The following DOK6 variants were observed in gnomAD, a reference collection of about 807,000 sequenced individuals.
DOK6 encodes the protein downstream of tyrosine kinase 6.
DOK6 carries 22 observed loss-of-function variants against 44.0 expected under a neutral mutation model. The ratio of observed to expected loss-of-function variants is 0.50; its 90% CI spans 0.36 to 0.71. DOK6 has a LOEUF of 0.71. DOK6 is among the 30% of genes least tolerant of loss of function. The pLI is 0.00. For synonymous variants in DOK6, 166 were observed against 145.5 expected, an observed-to-expected ratio of 1.14 and a Z score of -1.01; for missense variants, 340 against 416.4, an observed-to-expected ratio of 0.82 and a Z score of 1.60.
intron 2 of DOK6, among the ~76,000 whole-genome samples, chr18:69,594,758 G>T (rs1423561029): frequency 2.4e-4 from 36 of 151,962 alleles, no homozygotes; most frequent in African/African-American, 2.4e-5. Context: ...GGAGGTGGAG[G>T]CAGGAGGATC....
intron 7 of DOK6, among the ~76,000 whole-genome samples, chr18:69,804,986 T>C (rs1248324802): frequency 6.6e-6 from 1 of 152,198 alleles, no homozygotes; most frequent in East Asian, 1.9e-4. Flanking sequence ...AATACATTTC[T>C]GCTCAGAGAG....
At chr18:69,426,624 A>C (rs371724089) in intron 1 of DOK6, among the ~76,000 whole-genome samples, 1 of 152,224 alleles carries the variant, frequency 6.6e-6, no homozygotes, top group East Asian at 1.9e-4. Context: ...AAGAAAATCT[A>C]CAAAGTTAGA....
At chr18:69,516,957 C>G (rs4611561) in intron 1 of DOK6, among the ~76,000 whole-genome samples, 30,013 of 151,806 alleles carry the variant, frequency 0.2, 3,206 homozygotes, top group African/African-American at 0.24. Flanking sequence ...GCTGGGATTA[C>G]AGGCCTGAAC....
At chr18:69,782,270 G>A (rs1227789632) in intron 7 of DOK6, among the ~76,000 whole-genome samples, 5 of 149,742 alleles carry the variant, frequency 3.3e-5, no homozygotes, top group Non-Finnish European at 5.9e-5. Flanking sequence ...GGAGTGCAGC[G>A]GCGAGATCTC....
At chr18:69,592,574 A>C (rs1983646777) in intron 2 of DOK6, among the ~76,000 whole-genome samples, 1 of 152,096 alleles carries the variant, frequency 6.6e-6, no homozygotes, top group African/African-American at 2.4e-5. Context: ...CATTTATCAG[A>C]CCTTAATATT....
At chr18:69,516,679 A>G (rs1173290196) in intron 1 of DOK6, among the ~76,000 whole-genome samples, 2 of 135,486 alleles carry the variant, frequency 1.5e-5, no homozygotes, top group African/African-American at 2.5e-5. Flanking sequence ...TAAAAGTACT[A>G]TACTTTTTTT....
Position 69,847,829 on chromosome 18 carries a change from G to A in DOK6, c.*6446G>A, listed in dbSNP as rs192944156. 241 of 151,836 alleles carry A rather than the reference G, an allele frequency of 1.6e-3. 1 individual carries two copies. Among genetic ancestry groups the A allele is most frequent in the African/African-American group, 5.5e-3 (227 of 41,374 alleles). 9.4% of individuals were successfully genotyped at this position (151,836 alleles called of 1,614,324 possible). On this transcript the variant is annotated 3_prime_UTR_variant, in exon 8 of 8. Transcript: ENST00000382713. ...TGGGAGCTCCAACTTTGTTGTGAAA[G>A]CTGATAACAGAGTATGATTCTTTCC...
At chr18:69,659,936 T>A (rs1384866083) in intron 3 of DOK6, 3 of 98,340 alleles carry the variant, frequency 3.1e-5, no homozygotes, top group Non-Finnish European at 4.5e-5. Context: ...TATGTATGTT[T>A]TATATATATA....
intron 3 of DOK6, among the ~76,000 whole-genome samples, chr18:69,610,255 G>A (rs977572408): frequency 2.6e-5 from 4 of 152,040 alleles, no homozygotes; most frequent in Non-Finnish European, 4.4e-5. Flanking sequence ...TTCTCATAAT[G>A]GCTAATAGGA....
chr18:69,522,824 C>G (rs1981724372), intron 1 of DOK6, among the ~76,000 whole-genome samples: 1 of 152,002 alleles, frequency 6.6e-6, no homozygotes, highest in Admixed American at 6.6e-5. Flanking sequence ...TATTCAAAAC[C>G]CAACAAATTA....
intron 4 of DOK6, among the ~76,000 whole-genome samples, chr18:69,690,208 T>C (rs1206570510): frequency 6.6e-6 from 1 of 152,142 alleles, no homozygotes; most frequent in Non-Finnish European, 1.5e-5. Context: ...TTTTAAGTAC[T>C]GCTGATTGTT....
At position 69,522,169 on chromosome 18, in the gene DOK6, G is replaced by A. The variant is rs532788672; in HGVS notation, c.67-42318G>A. Among the ~76,000 whole-genome samples the A allele has an allele frequency of 1.7e-4, 26 of 151,722 alleles. 1 individual carries two copies. Among genetic ancestry groups the A allele is most frequent in the East Asian group, 9.7e-4 (5 of 5,158 alleles). On this transcript the variant is annotated intron_variant, in intron 1 of 7. Coordinates refer to ENST00000382713, the MANE Select transcript of DOK6 (RefSeq NM_152721.6). ...TTTTACACAGTGTCTTTATGTTTGC[G>A]TGCCATTTACTAACAGTATATTGTT...
chr18:69,512,590 C>T (rs796213323), intron 1 of DOK6, among the ~76,000 whole-genome samples: 3 of 151,934 alleles, frequency 2.0e-5, no homozygotes, highest in African/African-American at 4.8e-5. Context: ...TTGATTCGTC[C>T]GCCTCGGCCT....
At chr18:69,629,137 A>G (rs1323784395) in intron 3 of DOK6, among the ~76,000 whole-genome samples, 1 of 152,230 alleles carries the variant, frequency 6.6e-6, no homozygotes, top group African/African-American at 2.4e-5. Flanking sequence ...GGTTGCTGCC[A>G]AATTAACCTG....
At chr18:69,513,153 TTA>T (rs1175388915) in intron 1 of DOK6, among the ~76,000 whole-genome samples, 4 of 152,242 alleles carry the variant, frequency 2.6e-5, no homozygotes, top group African/African-American at 7.2e-5. Context: ...GTTCAATACT[TTA>T]TGTTTTACCA....
At chr18:69,816,263 T>C in intron 7 of DOK6, among the ~76,000 whole-genome samples, 1 of 152,206 alleles carries the variant, frequency 6.6e-6, no homozygotes, top group East Asian at 1.9e-4. Flanking sequence ...CCAAATCTCC[T>C]GATCTACTGG....
intron 3 of DOK6, among the ~76,000 whole-genome samples, chr18:69,617,387 G>C (rs1984312382): frequency 6.7e-6 from 1 of 149,644 alleles, no homozygotes; most frequent in African/African-American, 2.5e-5. Context: ...GAGAAAAAGA[G>C]AGAGAGAGAA....
At chr18:69,724,865 G>A (rs191845192) in intron 5 of DOK6, 7 of 152,328 alleles carry the variant, frequency 4.6e-5, no homozygotes, top group East Asian at 1.9e-4. Context: ...AGTTGCTCTT[G>A]TCTGCTACTG....
intron 1 of DOK6, among the ~76,000 whole-genome samples, chr18:69,539,632 G>T (rs1377415935): frequency 6.6e-6 from 1 of 151,960 alleles, no homozygotes; most frequent in African/African-American, 2.4e-5. Flanking sequence ...TCTTATTCCA[G>T]TAAGTGCATG....
Sources: allele counts gnomAD v4.1 joint callset (sites outside exome capture counted in the v4.1 genomes callset), GRCh38; gene constraint gnomAD v4.1.1; transcripts MANE v1.5; gene names NCBI Gene and HGNC (gene_info 2026-07-23, HGNC 2026-07-21).